VEZT: variants seen among roughly 807,000 people sequenced by gnomAD.
VEZT encodes the protein vezatin.
Under a neutral mutation model 79.9 loss-of-function variants are expected in VEZT, and 39 were observed. The ratio of observed to expected loss-of-function variants is 0.49; its 90% CI spans 0.38 to 0.64. The LOEUF (loss-of-function observed/expected upper bound fraction) is 0.64, where lower values mean the gene tolerates loss of function less well. Ranked by LOEUF, VEZT falls within the 30% of genes least tolerant of loss-of-function variation. VEZT has a pLI of 0.00. For synonymous variants in VEZT, 325 were observed against 327.6 expected (o/e 0.99, Z 0.09); for missense variants, 837 against 893.1 (o/e 0.94, Z 0.80).
chr12:95,295,932 C>G, intron 10 of VEZT, 119 bp from the exon 11 acceptor site: 1 of 728,464 alleles, frequency 1.4e-6, no homozygotes, highest in Non-Finnish European at 2.2e-6. Flanking sequence ...CTTTAATGAC[C>G]TGTGCCAAAT....
In VEZT at chr12:95,263,060, C is replaced by T; in HGVS notation, c.413C>T (p.Ser138Phe). 1 of 1,608,842 alleles carries T rather than the reference C, an allele frequency of 6.2e-7. No homozygotes were observed. Among genetic ancestry groups the T allele is most frequent in the Non-Finnish European group, 8.5e-7 (1 of 1,176,110 alleles). Residue 138 changes from serine (S) to phenylalanine (F), a missense_variant, in exon 4 of 12, where the codon TCC (serine) becomes TTC (phenylalanine). Transcript: ENST00000436874. ...AATGGACACCTTCCAACACTTTGCT[C>T]CCTGGCAACCCCTAATATTTGGTAC... ...QENGHLPTLC[S>F]LATPNIWDLS... is the part of the protein sequence containing the mutation.
At chr12:95,241,205 G>C (rs1217269677) in intron 1 of VEZT, among the ~76,000 whole-genome samples, 1 of 151,784 alleles carries the variant, frequency 6.6e-6, no homozygotes, top group Non-Finnish European at 1.5e-5. Context: ...GCTAATTTTT[G>C]TATTTTTTTT....
At chr12:95,289,417 C>CAAAAAAA (rs146728004) in intron 9 of VEZT, among the ~76,000 whole-genome samples, 74 of 69,416 alleles carry the variant, frequency 1.1e-3, no homozygotes, top group East Asian at 2.3e-3. Context: ...ACTCTTGTCT[C>CAAAAAAA]AAAAAAAAAA....
At chr12:95,233,903 T>G (rs2059626132) in intron 1 of VEZT, among the ~76,000 whole-genome samples, 1 of 152,202 alleles carries the variant, frequency 6.6e-6, no homozygotes, top group African/African-American at 2.4e-5. Flanking sequence ...ACTTTTATAA[T>G]TGTATTCATA....
At chr12:95,295,470 T>G (rs2139833342) in intron 10 of VEZT, among the ~76,000 whole-genome samples, 1 of 152,236 alleles carries the variant, frequency 6.6e-6, no homozygotes, top group African/African-American at 2.4e-5. Context: ...GGTGCCTGCT[T>G]CTTTTATCTC....
intron 1 of VEZT, among the ~76,000 whole-genome samples, chr12:95,225,622 CAA>C (rs2058322696): frequency 6.6e-6 from 1 of 152,004 alleles, no homozygotes; most frequent in Non-Finnish European, 1.5e-5. Flanking sequence ...AATAACCTAA[CAA>C]AGTGATACCT....
chr12:95,229,918 C>A (rs2059001566), intron 1 of VEZT, among the ~76,000 whole-genome samples: 1 of 152,132 alleles, frequency 6.6e-6, no homozygotes, highest in African/African-American at 2.4e-5. Flanking sequence ...GGTGAAACCC[C>A]ATCTCTACTA....
rs761268911 is a variant in VEZT, at chr12:95,282,551, G to A, written c.1235G>A (p.Cys412Tyr). ...ACTCAGCACCAGTCAGTACCGCAGT[G>A]TTTATCCAAAACTCAACAGAAGTCA... Reference protein sequence around the residue: ...FETQHQSVPQCLSKTQQKSRE... With the variant: ...FETQHQSVPQYLSKTQQKSRE... The change falls in exon 8 of 12, where the codon TGT (cysteine) becomes TAT (tyrosine). Residue 412 changes from cysteine (C) to tyrosine (Y), a missense_variant. By Grantham distance (194) the Cys-to-Tyr change is radical. Coordinates refer to ENST00000436874, the MANE Select transcript of VEZT (RefSeq NM_017599.4). 2 of 1,613,976 alleles carry A rather than the reference G, an allele frequency of 1.2e-6. No individual in the cohort carries two copies. The highest frequency in any genetic ancestry group is 1.7e-6 in the Non-Finnish European group (2 of 1,179,884).
intron 1 of VEZT, among the ~76,000 whole-genome samples, chr12:95,246,560 T>C (rs1424695618): frequency 6.6e-6 from 1 of 152,238 alleles, no homozygotes; most frequent in Non-Finnish European, 1.5e-5. Context: ...TTTTTGTTTA[T>C]TTTTATTGCA....
At chr12:95,292,082 G>C (rs1014111984) in intron 9 of VEZT, among the ~76,000 whole-genome samples, 2 of 152,178 alleles carry the variant, frequency 1.3e-5, no homozygotes, top group African/African-American at 4.8e-5. Flanking sequence ...TTACAGGCTT[G>C]AGCCACCACA....
chr12:95,257,389 T>C, intron 3 of VEZT, 150 bp downstream of exon 3: 1 of 654,200 alleles, frequency 1.5e-6, no homozygotes, highest in East Asian at 2.7e-5. Flanking sequence ...AATTTGGGCT[T>C]ACTGGTATTG....
rs185689624 is a variant in VEZT, at chr12:95,296,079, A to T, written c.1652A>T (p.Asp551Val). The T allele has an allele frequency of 5.1e-5, 80 of 1,555,782 alleles. No homozygotes were observed. The Middle Eastern group carries it at 1.0e-3, about 20-fold the overall frequency. Residue 551 changes from aspartate (D) to valine (V), a missense_variant, in exon 11 of 12, where the codon GAT becomes GTT. Coordinates refer to ENST00000436874, the MANE Select transcript of VEZT (RefSeq NM_017599.4). The stretch of plus-strand genomic sequence containing the variant: ...TTAGAAGCTTATGTAGATGATATAG[A>T]TATTGATAGTGATTTCAGAAAGGAT... ...QELEAYVDDI[D>V]IDSDFRKDDF...
intron 6 of VEZT, among the ~76,000 whole-genome samples, chr12:95,270,603 A>G (rs2066400080): frequency 6.6e-6 from 1 of 152,234 alleles, no homozygotes. Flanking sequence ...GCTAAGTTCA[A>G]ACACTGGCTG....
At chr12:95,237,355 C>T (rs1260934155) in intron 1 of VEZT, among the ~76,000 whole-genome samples, 1 of 152,040 alleles carries the variant, frequency 6.6e-6, no homozygotes, top group African/African-American at 2.4e-5. Context: ...TCTGGGTACT[C>T]AATAAATGTT....
At chr12:95,244,893 G>A (rs2061520719) in intron 1 of VEZT, among the ~76,000 whole-genome samples, 1 of 150,748 alleles carries the variant, frequency 6.6e-6, no homozygotes, top group South Asian at 2.1e-4. Flanking sequence ...AGCTTATTTT[G>A]TAGCATAAGA....
At chr12:95,229,486 G>T (rs1593070731) in intron 1 of VEZT, among the ~76,000 whole-genome samples, 1 of 152,014 alleles carries the variant, frequency 6.6e-6, no homozygotes, top group Admixed American at 6.6e-5. Flanking sequence ...TTGTTTCCCA[G>T]GATCATCCTT....
rs1566149083 is a variant in VEZT at position 95,263,052 on chromosome 12, A to T, written c.405A>T (p.Thr135=). 6.2e-7 allele frequency: 1 copy of T among 1,610,514 alleles called. No individual in the cohort carries two copies. Among genetic ancestry groups the T allele is most frequent in the Admixed American group, 1.7e-5 (1 of 59,886 alleles). ...AACAGGAAAATGGACACCTTCCAAC[A>T]CTTTGCTCCCTGGCAACCCCTAATA... is the stretch of plus-strand genomic sequence containing the variant. ...SQQQENGHLP[T]LCSLATPNIW... Residue 135 remains threonine (T), a synonymous_variant, in exon 4 of 12, where the codon ACA becomes ACT. Coordinates refer to ENST00000436874, the MANE Select transcript of VEZT (RefSeq NM_017599.4).
chr12:95,270,099 G>A lies in VEZT; in HGVS notation c.759G>A (p.Gln253=). 6.2e-7 allele frequency: 1 copy of A among 1,611,824 alleles called. No individual in the cohort carries two copies. The highest frequency in any genetic ancestry group is 2.2e-5 in the East Asian group (1 of 44,838). Residue 253 remains glutamine (Q), a synonymous_variant, in exon 6 of 12, where the codon CAG becomes CAA. Coordinates refer to ENST00000436874, the MANE Select transcript of VEZT (RefSeq NM_017599.4). ...PFNKAGQHPS[Q]HLIGLRKAVY... is the part of the protein sequence containing the mutation. ...ATAAAGCTGGACAGCATCCAAGTCA[G>A]CATCTCATCGGTCTTCGGAAAGCTG...
chr12:95,234,851 T>C (rs1207705787), intron 1 of VEZT, among the ~76,000 whole-genome samples: 2 of 152,100 alleles, frequency 1.3e-5, no homozygotes, highest in Non-Finnish European at 2.9e-5. Context: ...TAGGGAGTGG[T>C]AATGACTCTT....
Sources: gnomAD v4.1 joint callset for allele counts (sites outside exome capture counted in the v4.1 genomes callset) on GRCh38, gnomAD v4.1.1 for gene constraint, MANE v1.5 for transcripts, NCBI Gene and HGNC (gene_info 2026-07-23, HGNC 2026-07-21) for gene names.